Variants in ZNF804B observed in about 807,000 individuals in gnomAD.
ZNF804B encodes zinc finger 804B.
In ZNF804B, 80 loss-of-function variants were observed where a neutral mutation model predicts 101.4. The ratio of observed to expected loss-of-function variants is 0.79; its 90% CI spans 0.66 to 0.95. The LOEUF (loss-of-function observed/expected upper bound fraction) is 0.95. ZNF804B is among the 40% of genes least tolerant of loss of function. ZNF804B has a pLI of 0.00. For synonymous variants in ZNF804B, 622 were observed against 558.8 expected, an observed-to-expected ratio of 1.11 and a Z score of -1.59; for missense variants, 1,673 against 1,561.9, an observed-to-expected ratio of 1.07 and a Z score of -1.20.
At chr7:88,830,681 A>C (rs187866517) in intron 1 of ZNF804B, among the ~76,000 whole-genome samples, 1 of 152,068 alleles carries the variant, frequency 6.6e-6, no homozygotes, top group East Asian at 1.9e-4. Flanking sequence ...TTGGTGAAAC[A>C]TTATTGGTCT....
intron 1 of ZNF804B, among the ~76,000 whole-genome samples, chr7:88,890,210 C>T (rs1792195286): frequency 6.6e-6 from 1 of 152,042 alleles, no homozygotes; most frequent in Non-Finnish European, 1.5e-5. Context: ...GAAATAATGA[C>T]TATATTTCTC....
At chr7:89,250,285 C>A (rs1242195518) in intron 2 of ZNF804B, among the ~76,000 whole-genome samples, 1 of 151,854 alleles carries the variant, frequency 6.6e-6, no homozygotes, top group Admixed American at 6.6e-5. Context: ...TACCAAAGAC[C>A]CTCAGATATT....
chr7:89,283,789 C>A (rs904806551), intron 2 of ZNF804B, among the ~76,000 whole-genome samples: 6 of 151,884 alleles, frequency 4.0e-5, no homozygotes, highest in African/African-American at 1.4e-4. Context: ...ACAGTTGACC[C>A]TAGGTAGCAT....
intron 1 of ZNF804B, among the ~76,000 whole-genome samples, chr7:88,846,958 T>G (rs1229549384): frequency 2.0e-5 from 3 of 148,894 alleles, no homozygotes; most frequent in African/African-American, 7.5e-5. Flanking sequence ...ACACACACAC[T>G]AACAATTACT....
At chr7:89,041,437 G>GGCCTGGGGCTTCAGTCTGCAAGTGCCA (rs1365264563) in intron 1 of ZNF804B, among the ~76,000 whole-genome samples, 52 of 152,278 alleles carry the variant, frequency 3.4e-4, no homozygotes, top group African/African-American at 1.2e-3. Context: ...TGTAGGAGTT[G>GGCCTGGGGCTTCAGTCTGCAAGTGCCA]GCCTGGGGCT....
chr7:88,967,716 CAAAAA>C (rs3034332), intron 1 of ZNF804B, among the ~76,000 whole-genome samples: 8,758 of 125,368 alleles, frequency 0.07, 302 homozygotes, highest in Admixed American at 0.1. Context: ...ATTGAAAAAG[CAAAAA>C]AAAAAAAAAA....
At chr7:88,874,727 A>G (rs7798668) in intron 1 of ZNF804B, among the ~76,000 whole-genome samples, 28,322 of 152,084 alleles carry the variant, frequency 0.19, 2,831 homozygotes, top group African/African-American at 0.28. Context: ...TATTGAGATA[A>G]TCATGAATAT....
At chr7:89,145,811 G>C (rs1039377814) in intron 1 of ZNF804B, among the ~76,000 whole-genome samples, 1 of 151,900 alleles carries the variant, frequency 6.6e-6, no homozygotes, top group Non-Finnish European at 1.5e-5. Context: ...TAATCCAGAG[G>C]ATAAATCCTC....
intron 1 of ZNF804B, among the ~76,000 whole-genome samples, chr7:88,987,425 A>G (rs543040371): frequency 1.3e-5 from 2 of 152,236 alleles, no homozygotes; most frequent in South Asian, 2.1e-4. Context: ...GTAAAGAATC[A>G]TTAGTCTTTC....
chr7:89,228,935 G>A (rs1213585993), intron 2 of ZNF804B, among the ~76,000 whole-genome samples: 1 of 152,182 alleles, frequency 6.6e-6, no homozygotes, highest in African/African-American at 2.4e-5. Context: ...AGCTAAGGCC[G>A]GGGGAGAAAT....
At chr7:89,022,035 T>A (rs1466804599) in intron 1 of ZNF804B, among the ~76,000 whole-genome samples, 1 of 152,162 alleles carries the variant, frequency 6.6e-6, no homozygotes. Flanking sequence ...CAGTGGGGGT[T>A]GGTGGAGTTT....
At chr7:89,016,875 A>C (rs1031287402) in intron 1 of ZNF804B, among the ~76,000 whole-genome samples, 5 of 152,238 alleles carry the variant, frequency 3.3e-5, no homozygotes, top group African/African-American at 9.6e-5. Context: ...TCTGTGAAGA[A>C]AGTCATTGGT....
intron 1 of ZNF804B, among the ~76,000 whole-genome samples, chr7:89,131,512 T>TA (rs1790547089): frequency 6.6e-6 from 1 of 151,948 alleles, no homozygotes; most frequent in Non-Finnish European, 1.5e-5. Flanking sequence ...CATAACTGGC[T>TA]AGCCACATTT....
chr7:89,197,169 A>G (rs945192970), intron 1 of ZNF804B, among the ~76,000 whole-genome samples: 2 of 151,944 alleles, frequency 1.3e-5, no homozygotes. Flanking sequence ...TACCTATGTA[A>G]CAATCCTGCA....
intron 1 of ZNF804B, among the ~76,000 whole-genome samples, chr7:89,154,500 A>G (rs6946517): frequency 0.26 from 39,911 of 152,078 alleles, 5,350 homozygotes; most frequent in Middle Eastern, 0.38. Context: ...AAAATGTGGT[A>G]CTTACACACA....
chr7:88,879,113 T>C (rs1791995315), intron 1 of ZNF804B, among the ~76,000 whole-genome samples: 1 of 152,182 alleles, frequency 6.6e-6, no homozygotes, highest in Non-Finnish European at 1.5e-5. Context: ...GGATTTAAGA[T>C]GCAAGAGATT....
intron 1 of ZNF804B, among the ~76,000 whole-genome samples, chr7:89,072,848 T>G (rs916041057): frequency 2.6e-5 from 4 of 152,132 alleles, no homozygotes; most frequent in Non-Finnish European, 5.9e-5. Flanking sequence ...TGAGCTCATT[T>G]TATTTTATCT....
intron 1 of ZNF804B, among the ~76,000 whole-genome samples, chr7:89,209,946 C>G (rs943588865): frequency 1.8e-4 from 28 of 152,092 alleles, no homozygotes; most frequent in African/African-American, 6.3e-4. Context: ...GTCAGGAGTT[C>G]TAGAACAGCC....
intron 1 of ZNF804B, among the ~76,000 whole-genome samples, chr7:88,827,751 A>G (rs997842287): frequency 1.3e-5 from 2 of 152,012 alleles, no homozygotes; most frequent in African/African-American, 4.8e-5. Context: ...CCGTATTTCC[A>G]TTAGTAGTGC....
Sources: gnomAD v4.1 joint callset for allele counts (sites outside exome capture counted in the v4.1 genomes callset) on GRCh38, gnomAD v4.1.1 for gene constraint, MANE v1.5 for transcripts, NCBI Gene and HGNC (gene_info 2026-07-23, HGNC 2026-07-21) for gene names.